The following NFRKB variants were observed in gnomAD, a reference collection of about 807,000 sequenced individuals.
The protein encoded by NFRKB is nuclear factor related to kappa-B-binding protein.
Under a neutral mutation model 135.7 loss-of-function variants are expected in NFRKB, and 62 were observed. The ratio of observed to expected loss-of-function variants is 0.46; its 90% CI spans 0.37 to 0.56. The LOEUF (loss-of-function observed/expected upper bound fraction) is 0.56, where lower values mean the gene tolerates loss of function less well. NFRKB is among the 20% of genes least tolerant of loss of function. The pLI, the probability that NFRKB is intolerant of heterozygous loss-of-function variation, is 0.00. For missense variants in NFRKB, 1,545 were observed against 1,662.0 expected (o/e 0.93, Z 1.22); for synonymous variants, 678 against 635.6 (o/e 1.07, Z -1.00).
intron 5 of NFRKB, 44 bp from the exon 6 acceptor site, chr11:129,885,653 TGTTCTGGAAC>T (rs1178816646): frequency 1.4e-5 from 22 of 1,548,954 alleles, no homozygotes; most frequent in Non-Finnish European, 8.8e-7. Context: ...ATCCAAGACC[TGTTCTGGAAC>T]AATGAACACT....
At chr11:129,876,973 G>A (rs1347829949) in intron 16 of NFRKB, 78 bp from the exon 17 acceptor site, 1 of 1,314,380 alleles carries the variant, frequency 7.6e-7, no homozygotes, top group African/African-American at 1.5e-5. Context: ...AATATAAGCA[G>A]ATCCACATGG....
At position 129,865,995 on chromosome 11, in the gene NFRKB, A is replaced by C. The variant is rs1206545701; in HGVS notation, c.3532-12T>G. The C allele has an allele frequency of 6.3e-7, 1 of 1,582,426 alleles. No individual in the cohort carries two copies. Among genetic ancestry groups the C allele is most frequent in the African/African-American group, 1.4e-5 (1 of 73,492 alleles). The stretch of plus-strand genomic sequence containing the variant: ...GTAGGCAACTTCCCCTAGAAAAAAA[A>C]AGCAGTCAGGTTTTGTAAGACAGGA... On this transcript the variant is annotated splice_polypyrimidine_tract_variant and intron_variant, in intron 24 of 26. Transcript: ENST00000682444.
chr11:129,885,233 C>A (rs924822085), intron 6 of NFRKB, among the ~76,000 whole-genome samples: 1 of 152,190 alleles, frequency 6.6e-6, no homozygotes, highest in Admixed American at 6.5e-5. Context: ...GTGAAAAAGG[C>A]CATGGAGTCA....
intron 23 of NFRKB, among the ~76,000 whole-genome samples, chr11:129,871,565 G>C (rs1427951521): frequency 6.6e-6 from 1 of 152,090 alleles, no homozygotes; most frequent in Non-Finnish European, 1.5e-5. Context: ...CATGGATGGG[G>C]TAAGTCTCAC....
intron 5 of NFRKB, 118 bp downstream of exon 5, chr11:129,886,199 T>G: frequency 8.8e-7 from 1 of 1,140,558 alleles, no homozygotes; most frequent in Non-Finnish European, 1.3e-6. Flanking sequence ...GTGTCACAGA[T>G]TAATTGGTAG....
chr11:129,867,904 T>TG (rs1333443132), intron 24 of NFRKB, among the ~76,000 whole-genome samples: 1 of 152,174 alleles, frequency 6.6e-6, no homozygotes, highest in Non-Finnish European at 1.5e-5. Context: ...TTCAAGCTAG[T>TG]GGGGGAAGCA....
chr11:129,880,644 T>C (rs978648849), intron 13 of NFRKB, among the ~76,000 whole-genome samples: 2 of 152,144 alleles, frequency 1.3e-5, no homozygotes, highest in African/African-American at 4.8e-5. Context: ...CCATCCTCTC[T>C]GGTACTTTTC....
rs1013257569 is a variant in NFRKB at position 129,877,530 on chromosome 11, T to G, written c.1512-145A>C. The G allele has an allele frequency of 5.0e-5, 37 of 734,346 alleles. No homozygotes were observed. The African/African-American group carries it at 5.9e-4, about 12-fold the overall frequency. 45.5% of individuals were successfully genotyped at this position (734,346 alleles called of 1,614,324 possible). On this transcript the variant is annotated intron_variant, in intron 15 of 26. Transcript: ENST00000682444. The stretch of plus-strand genomic sequence containing the variant: ...TTCTTACAAAGGCGAAGAGCCCACC[T>G]TCCAGCTCCTACGAAGTAACTCCTG...
intron 8 of NFRKB, 67 bp from the exon 9 acceptor site, chr11:129,883,273 C>A: frequency 1.7e-6 from 2 of 1,156,082 alleles, no homozygotes; most frequent in Non-Finnish European, 2.6e-6. Context: ...GTGACTTTGC[C>A]AATTTATGTA....
At position 129,877,310 on chromosome 11, in the gene NFRKB, C is replaced by T. The variant is rs1948813967; in HGVS notation, c.1572+15G>A. On this transcript the variant is annotated intron_variant, in intron 16 of 26. Transcript: ENST00000682444. ...TCACAGAGGCAGAGACTTACACTGGCTTTTAGGTTCTTACCTGCTCCTGAA... is the reference window on the plus strand; with the variant it reads ...TCACAGAGGCAGAGACTTACACTGGTTTTTAGGTTCTTACCTGCTCCTGAA... 1 of 1,613,844 alleles carries T rather than the reference C, an allele frequency of 6.2e-7. No individual in the cohort carries two copies.
intron 17 of NFRKB, among the ~76,000 whole-genome samples, chr11:129,876,034 A>AT (rs1439465228): frequency 5.9e-5 from 9 of 152,178 alleles, no homozygotes; most frequent in Admixed American, 4.6e-4. Flanking sequence ...GGGAAGCAAA[A>AT]TTACATCTTA....
chr11:129,870,749 T>C (rs1948460096), intron 23 of NFRKB, among the ~76,000 whole-genome samples: 1 of 152,102 alleles, frequency 6.6e-6, no homozygotes, highest in Non-Finnish European at 1.5e-5. Context: ...CTAAGGCCAA[T>C]TCCCTCATGT....
chr11:129,893,029 C>T (rs1047943183), intron 2 of NFRKB, 159 bp from the exon 3 acceptor site: 1 of 1,459,946 alleles, frequency 6.8e-7, no homozygotes, highest in Middle Eastern at 2.2e-4. Context: ...TCCCTTTCAC[C>T]ACAGCATTCC....
intron 4 of NFRKB, chr11:129,888,181 G>C (rs1591530059): frequency 2.1e-6 from 1 of 486,824 alleles, no homozygotes; most frequent in Non-Finnish European, 3.6e-6. Flanking sequence ...GCTTGGCAGT[G>C]AAGTGTCATA....
chr11:129,872,945 G>A lies in NFRKB; in HGVS notation c.2702C>T (p.Ala901Val), dbSNP rs756253394. ...KPATSSPGTS[A>V]PSASTAAVIQ... ...GACGGCAGCCGTGGAGGCACTGGGA[G>A]CAGAGGTCCCAGGAGAACTCGTGGC... Residue 901 changes from alanine to valine, a missense_variant, in exon 23 of 27, where the codon GCT becomes GTT. Physicochemically the swap from Ala to Val is moderately conservative, Grantham distance 64 (BLOSUM62 0). Around this residue, in one of 3 missense-constraint regions of NFRKB, gnomAD observed 753 missense variants for 804.3 expected, o/e 0.94. Coordinates refer to ENST00000682444, the MANE Select transcript of NFRKB (RefSeq NM_001143835.2). The A allele has an allele frequency of 1.5e-5, 24 of 1,614,054 alleles. No individual in the cohort carries two copies. Among genetic ancestry groups the A allele is most frequent in the Non-Finnish European group, 1.9e-5 (22 of 1,180,004 alleles).
intron 24 of NFRKB, among the ~76,000 whole-genome samples, chr11:129,867,120 C>G (rs1248449757): frequency 3.3e-5 from 5 of 152,160 alleles, no homozygotes; most frequent in Non-Finnish European, 7.3e-5. Flanking sequence ...GCTGACTAGA[C>G]AGGGGGAAGT....
rs762350919 is a variant in NFRKB, at chr11:129,882,566, T to C, written c.967A>G (p.Ile323Val). ...KEKEEKKKKK[I>V]KTIKSEAEDL... ...TCTGCCTCTGATTTGATCGTTTTTA[T>C]TTTCTTCTTCTTCTTTTCCTCTTTT... Residue 323 changes from isoleucine to valine, a missense_variant, in exon 10 of 27, where the codon ATA (isoleucine) becomes GTA (valine). By Grantham distance (29) the Ile-to-Val change is conservative. Coordinates refer to ENST00000682444, the MANE Select transcript of NFRKB (RefSeq NM_001143835.2). The C allele has an allele frequency of 1.2e-6, 2 of 1,614,056 alleles. No homozygotes were observed. Among genetic ancestry groups the C allele is most frequent in the East Asian group, 2.2e-5 (1 of 44,900 alleles).
chr11:129,890,407 A>G (rs1281357228), intron 3 of NFRKB, among the ~76,000 whole-genome samples: 1 of 152,210 alleles, frequency 6.6e-6, no homozygotes. Context: ...CTGCCCTGAA[A>G]GAGTATGCCA....
chr11:129,883,850 T>C (rs1323706327), intron 8 of NFRKB, among the ~76,000 whole-genome samples: 1 of 152,220 alleles, frequency 6.6e-6, no homozygotes, highest in African/African-American at 2.4e-5. Context: ...ACAGTGTCAC[T>C]GTAACGATTA....
Sources: allele counts gnomAD v4.1 joint callset (sites outside exome capture counted in the v4.1 genomes callset), GRCh38; gene constraint gnomAD v4.1.1; regional missense constraint gnomAD v4.1.1; transcripts MANE v1.5; gene names NCBI Gene and HGNC (gene_info 2026-07-23, HGNC 2026-07-21).